The following KCNH8 variants were observed in gnomAD, a reference collection of about 807,000 sequenced individuals.
The protein encoded by KCNH8 is potassium voltage-gated channel subfamily H member 8.
Under a neutral mutation model 103.6 loss-of-function variants are expected in KCNH8, and 70 were observed. That is an observed-to-expected ratio of 0.68 (90% CI 0.56 to 0.82). KCNH8 has a LOEUF of 0.82. KCNH8 is among the 40% of genes least tolerant of loss of function. The pLI is 0.00. For synonymous variants in KCNH8, 498 were observed against 489.4 expected, an observed-to-expected ratio of 1.02 and a Z score of -0.23; for missense variants, 1,217 against 1,329.9, an observed-to-expected ratio of 0.92 and a Z score of 1.32.
rs558088813 is a variant in KCNH8, at chr3:19,234,504, C to G, written c.77-19150C>G. On this transcript the variant is annotated intron_variant, in intron 1 of 15. Coordinates refer to ENST00000328405, the MANE Select transcript of KCNH8 (RefSeq NM_144633.3). ...CTCAGGTGCTAAGCCCCTCACTGCC[C>G]CAGGCGGGTGGGGCTGGCCGGCCAA... Among the ~76,000 whole-genome samples, 1,198 of 152,360 alleles carry G rather than the reference C, an allele frequency of 7.9e-3. 20 individuals are homozygous for G. The highest frequency in any genetic ancestry group is 0.027 in the African/African-American group (1,119 of 41,596).
At chr3:19,149,741 C>A (rs1483100267) in intron 1 of KCNH8, among the ~76,000 whole-genome samples, 1 of 152,210 alleles carries the variant, frequency 6.6e-6, no homozygotes, top group Non-Finnish European at 1.5e-5. Context: ...CATCTTCTTT[C>A]TAGCTTATCT....
intron 11 of KCNH8, among the ~76,000 whole-genome samples, chr3:19,506,627 G>T (rs1051967255): frequency 1.3e-5 from 2 of 152,036 alleles, no homozygotes; most frequent in African/African-American, 4.8e-5. Flanking sequence ...TGGCTCTCCT[G>T]GGCTGCACAC....
chr3:19,483,202 T>A (rs905983626), intron 11 of KCNH8, among the ~76,000 whole-genome samples: 1 of 152,174 alleles, frequency 6.6e-6, no homozygotes, highest in Non-Finnish European at 1.5e-5. Flanking sequence ...ATAAGCTCTA[T>A]GCCCACATAT....
At chr3:19,313,788 G>A (rs945553526) in intron 3 of KCNH8, among the ~76,000 whole-genome samples, 4 of 151,430 alleles carry the variant, frequency 2.6e-5, no homozygotes, top group Non-Finnish European at 4.4e-5. Flanking sequence ...ATCATACAAA[G>A]TACCATGGGT....
chr3:19,196,156 T>G (rs2063599826), intron 1 of KCNH8, among the ~76,000 whole-genome samples: 1 of 152,040 alleles, frequency 6.6e-6, no homozygotes, highest in African/African-American at 2.4e-5. Context: ...TTCAAGAGAC[T>G]CAAGCCTCTC....
At chr3:19,172,042 G>C (rs1032195420) in intron 1 of KCNH8, among the ~76,000 whole-genome samples, 1 of 152,092 alleles carries the variant, frequency 6.6e-6, no homozygotes, top group Non-Finnish European at 1.5e-5. Context: ...GATAGTTGCT[G>C]TCTGTCAGTG....
intron 3 of KCNH8, among the ~76,000 whole-genome samples, chr3:19,303,518 G>T (rs1178047017): frequency 6.6e-6 from 1 of 152,074 alleles, no homozygotes; most frequent in Non-Finnish European, 1.5e-5. Context: ...ATGACAGTAA[G>T]ACTAAAACCA....
chr3:19,277,240 T>C (rs1413582419), intron 2 of KCNH8, among the ~76,000 whole-genome samples: 2 of 152,022 alleles, frequency 1.3e-5, no homozygotes, highest in African/African-American at 4.8e-5. Flanking sequence ...TATAAAGATA[T>C]TTATTACCAC....
chr3:19,152,810 C>T (rs1421541195), intron 1 of KCNH8, among the ~76,000 whole-genome samples: 1 of 152,040 alleles, frequency 6.6e-6, no homozygotes, highest in Non-Finnish European at 1.5e-5. Context: ...GCGGCATGCA[C>T]CTGTAATCCC....
chr3:19,513,045 G>C lies in KCNH8; in HGVS notation c.2155G>C (p.Gly719Arg). ...GGAAGATGAGGAAGAGGAGGAGGAGGGGGAGGAAGAGGAGGCAGTCTCCCT... is the reference window on the plus strand; with the variant it reads ...GGAAGATGAGGAAGAGGAGGAGGAGCGGGAGGAAGAGGAGGCAGTCTCCCT... ...IVEDEEEEEE[G>R]EEEEAVSLSP... The change falls in exon 13 of 16, where the codon GGG becomes CGG. Residue 719 changes from glycine to arginine, a missense_variant. Gly to Arg is a moderately radical substitution (Grantham distance 125). Around this residue, in one of 3 missense-constraint regions of KCNH8, gnomAD observed 558 missense variants for 495.8 expected, o/e 1.13. Coordinates refer to ENST00000328405, the MANE Select transcript of KCNH8 (RefSeq NM_144633.3). 1.2e-6 allele frequency: 2 copies of C among 1,613,616 alleles called. No individual in the cohort carries two copies. The highest frequency in any genetic ancestry group is 8.5e-7 in the Non-Finnish European group (1 of 1,179,788).
At chr3:19,492,855 G>A (rs2068355283) in intron 11 of KCNH8, among the ~76,000 whole-genome samples, 1 of 147,646 alleles carries the variant, frequency 6.8e-6, no homozygotes. Context: ...GTGTGTGTGT[G>A]TGTGTGTGTG....
intron 1 of KCNH8, among the ~76,000 whole-genome samples, chr3:19,170,804 A>ATTT (rs1375715096): frequency 5.8e-5 from 6 of 103,360 alleles, no homozygotes; most frequent in African/African-American, 3.0e-4. Flanking sequence ...ATATATATAT[A>ATTT]TATATATTTT....
intron 10 of KCNH8, 36 bp downstream of exon 10, chr3:19,451,440 CT>C (rs767255370): frequency 6.3e-7 from 1 of 1,598,092 alleles, no homozygotes; most frequent in Non-Finnish European, 8.6e-7. Context: ...TGAAATTTGA[CT>C]CTGGAGCATA....
At chr3:19,526,435 A>T (rs2069065762) in intron 15 of KCNH8, among the ~76,000 whole-genome samples, 1 of 152,008 alleles carries the variant, frequency 6.6e-6, no homozygotes, top group African/African-American at 2.4e-5. Context: ...ATTTTATATG[A>T]TACTATATGT....
At chr3:19,422,693 T>C (rs2066968341) in intron 7 of KCNH8, among the ~76,000 whole-genome samples, 8 of 152,098 alleles carry the variant, frequency 5.3e-5, no homozygotes, top group Admixed American at 5.2e-4. Context: ...CAAATATTAA[T>C]TGAGTGCATA....
At chr3:19,444,045 GT>G (rs760991035) in intron 8 of KCNH8, among the ~76,000 whole-genome samples, 2 of 151,902 alleles carry the variant, frequency 1.3e-5, no homozygotes, top group Non-Finnish European at 2.9e-5. Context: ...TTGACAAGTT[GT>G]TTCTAAAAAT....
intron 1 of KCNH8, among the ~76,000 whole-genome samples, chr3:19,187,244 G>C (rs1370129043): frequency 6.6e-6 from 1 of 151,686 alleles, no homozygotes; most frequent in Non-Finnish European, 1.5e-5. Context: ...GATTTGCAAA[G>C]TATGAGATTT....
intron 5 of KCNH8, among the ~76,000 whole-genome samples, chr3:19,372,588 T>A (rs1474780102): frequency 6.6e-6 from 1 of 152,166 alleles, no homozygotes; most frequent in Admixed American, 6.5e-5. Flanking sequence ...CTTTTCCTGA[T>A]TGAATACCGT....
chr3:19,475,578 A>T (rs536791928), intron 11 of KCNH8, among the ~76,000 whole-genome samples: 9 of 152,310 alleles, frequency 5.9e-5, no homozygotes, highest in African/African-American at 2.2e-4. Flanking sequence ...TGTCTATCCT[A>T]TGATGAAAGC....
Sources: gnomAD v4.1 joint callset for allele counts (sites outside exome capture counted in the v4.1 genomes callset) on GRCh38, gnomAD v4.1.1 for gene constraint, gnomAD v4.1.1 regional missense constraint, MANE v1.5 for transcripts, NCBI Gene and HGNC (gene_info 2026-07-23, HGNC 2026-07-21) for gene names.